PMFBP1: variants seen among roughly 807,000 people sequenced by gnomAD.
The protein encoded by PMFBP1 is polyamine modulated factor 1 binding protein 1.
Under a neutral mutation model 137.8 loss-of-function variants are expected in PMFBP1, and 131 were observed. That is an observed-to-expected ratio of 0.95 (90% CI 0.82 to 1.10). The LOEUF is 1.10. Among genes scored for constraint, PMFBP1 ranks in the 50% least tolerant of loss-of-function variants. The probability of loss-of-function intolerance (pLI) is 0.00; values close to 1 mark genes in which losing one functional copy is unlikely to be tolerated. For missense variants in PMFBP1, 1,199 were observed against 1,175.4 expected, an observed-to-expected ratio of 1.02 and a Z score of -0.29; for synonymous variants, 490 against 450.4, an observed-to-expected ratio of 1.09 and a Z score of -1.11.
At chr16:72,194,435 G>A in the PMFBP1 span, among the ~76,000 whole-genome samples, 6 of 151,954 alleles carry the variant, frequency 3.9e-5, no homozygotes, top group South Asian at 2.1e-4. Context: ...CAAGCGATTC[G>A]TTGCATTTTT....
At chr16:72,218,811 G>A in the PMFBP1 span, among the ~76,000 whole-genome samples, 13 of 152,056 alleles carry the variant, frequency 8.5e-5, no homozygotes, top group Admixed American at 8.5e-4. Flanking sequence ...AAACCACAGT[G>A]GTAAATAAAC....
chr16:72,153,689 G>A (rs1442416917), intron 4 of PMFBP1, among the ~76,000 whole-genome samples: 1 of 150,012 alleles, frequency 6.7e-6, no homozygotes, highest in Non-Finnish European at 1.5e-5. Flanking sequence ...AAGCCTATAT[G>A]ATCTAAAACT....
rs1443803249 is a variant in PMFBP1 at position 72,129,192 on chromosome 16, A to T, written c.1824T>A (p.Asp608Glu). 1.9e-6 allele frequency: 3 copies of T among 1,613,886 alleles called. No homozygotes were observed. The highest frequency in any genetic ancestry group is 1.7e-5 in the Admixed American group (1 of 60,032). Residue 608 changes from aspartate (D) to glutamate (E), a missense_variant, in exon 13 of 21, where the codon GAT becomes GAA. Coordinates refer to ENST00000237353, the MANE Select transcript of PMFBP1 (RefSeq NM_031293.3). Reference protein sequence around the residue: ...QGSIKCKLEEDLQEATKLLED... With the variant: ...QGSIKCKLEEELQEATKLLED... ...CCAGAAGCTTTGTGGCCTCCTGAAG[A>T]TCTTCTTCTAACTTGCATTTGATGG...
intron 12 of PMFBP1, among the ~76,000 whole-genome samples, chr16:72,129,448 T>C (rs563057194): frequency 6.6e-6 from 1 of 152,336 alleles, no homozygotes; most frequent in South Asian, 2.1e-4. Context: ...ATTGATCTAA[T>C]TCCTAAGCAC....
chr16:72,147,036 A>G (rs13338949), intron 5 of PMFBP1, among the ~76,000 whole-genome samples: 6,272 of 152,290 alleles, frequency 0.041, 402 homozygotes, highest in African/African-American at 0.14. Context: ...TAAATTTTAT[A>G]TGGAACCAAA....
At chr16:72,198,812 C>T in the PMFBP1 span, among the ~76,000 whole-genome samples, 1 of 150,600 alleles carries the variant, frequency 6.6e-6, no homozygotes, top group Non-Finnish European at 1.5e-5. Context: ...ATCCCCCCAC[C>T]CCCACCCACC....
the PMFBP1 span, among the ~76,000 whole-genome samples, chr16:72,185,214 G>C: frequency 6.6e-6 from 1 of 152,012 alleles, no homozygotes; most frequent in South Asian, 2.1e-4. Context: ...AGTAGATACG[G>C]GGTTTCACCA....
chr16:72,132,874 G>T lies in PMFBP1; in HGVS notation c.1321C>A (p.Leu441Ile). ...TTAGCCTCCTTGACTGTCATTTCAA[G>T]TTCTGTGGCCATGCACTGCTGCTTC... The part of the protein sequence containing the change: ...LEKQQCMATE[L>I]EMTVKEAKQD... The change falls in exon 10 of 21, where the codon CTT becomes ATT. Residue 441 changes from leucine (L) to isoleucine (I), a missense_variant. Transcript: ENST00000237353. 4 of 1,614,224 alleles carry T rather than the reference G, an allele frequency of 2.5e-6. No individual in the cohort carries two copies. The highest frequency in any genetic ancestry group is 1.7e-6 in the Non-Finnish European group (2 of 1,180,046).
chr16:72,143,262 C>G (rs182011850), intron 5 of PMFBP1, among the ~76,000 whole-genome samples: 1 of 152,096 alleles, frequency 6.6e-6, no homozygotes, highest in Admixed American at 6.6e-5. Flanking sequence ...AAATGAGGAG[C>G]AAGGCAAAGA....
the PMFBP1 span, among the ~76,000 whole-genome samples, chr16:72,195,187 G>A: frequency 6.6e-6 from 1 of 152,158 alleles, no homozygotes; most frequent in Admixed American, 6.5e-5. Flanking sequence ...TGGCACCAGG[G>A]CCCACGTTTT....
In PMFBP1 at chr16:72,122,958, G is replaced by T; in HGVS notation, c.2724C>A (p.Leu908=). 1 of 1,613,364 alleles carries T rather than the reference G, an allele frequency of 6.2e-7. No homozygotes were observed. The highest frequency in any genetic ancestry group is 1.1e-5 in the South Asian group (1 of 91,060). ...TGGCAATGTATTTCACCTGCTCTCG[G>T]AGCTGGTTTCCTAGTTTCTCATTGG... ...KVANEKLGNQ[L]REQVKYIAKL... The change falls in exon 19 of 21, where the codon CTC becomes CTA. Residue 908 remains leucine (L), a synonymous_variant. Transcript: ENST00000237353.
At chr16:72,144,732 C>A (rs976831559) in intron 5 of PMFBP1, among the ~76,000 whole-genome samples, 7 of 152,002 alleles carry the variant, frequency 4.6e-5, no homozygotes, top group Non-Finnish European at 8.8e-5. Context: ...AGACATAAAA[C>A]CTAGAATTTA....
rs1385164451 is a variant in PMFBP1, at chr16:72,128,327, T to A, written c.2088+330A>T. ...TCTCCTTTTTGTGCTTTGTGACAAGTTTTGGAAGTGTTCCCTAGCAAATTG... is the reference window on the plus strand; with the variant it reads ...TCTCCTTTTTGTGCTTTGTGACAAGATTTGGAAGTGTTCCCTAGCAAATTG... On this transcript the variant is annotated intron_variant, in intron 14 of 20. Coordinates refer to ENST00000237353, the MANE Select transcript of PMFBP1 (RefSeq NM_031293.3). The A allele has an allele frequency of 4.8e-6, 6 of 1,242,302 alleles. No homozygotes were observed. The Admixed American group carries it at 1.3e-4, about 28-fold the overall frequency. 77.0% of individuals were successfully genotyped at this position (1,242,302 alleles called of 1,614,324 possible).
At chr16:72,244,628 T>C in the PMFBP1 span, among the ~76,000 whole-genome samples, 1 of 152,180 alleles carries the variant, frequency 6.6e-6, no homozygotes, top group Non-Finnish European at 1.5e-5. Context: ...TAAAGATTTC[T>C]TTTCCTCCAA....
In PMFBP1 at chr16:72,119,317, G is replaced by T. The variant is rs767690169; in HGVS notation, c.*21C>A. On this transcript the variant is annotated 3_prime_UTR_variant, in exon 21 of 21. Coordinates refer to ENST00000237353, the MANE Select transcript of PMFBP1 (RefSeq NM_031293.3). ...CTGAAGAAACACCCGTGGAAATGCT[G>T]CTCAGGGCTAGATGTGGATTCTAGC... 3.1e-6 allele frequency: 5 copies of T among 1,611,874 alleles called. No homozygotes were observed. Among genetic ancestry groups the T allele is most frequent in the Non-Finnish European group, 4.2e-6 (5 of 1,178,046 alleles).
Position 72,154,348 on chromosome 16 carries a change from G to C in PMFBP1, c.277C>G (p.Leu93Val), listed in dbSNP as rs146036420. ...LQQLKKKLLV[L>V]QQELEFHTEE... ...GTGTGAAACTCCAGTTCTTGTTGAA[G>C]GACCAGCAATTTTTTCTTCAGTTGC... Residue 93 changes from leucine to valine, a missense_variant, in exon 4 of 21, where the codon CTT (leucine) becomes GTT (valine). By Grantham distance (32) the Leu-to-Val change is conservative (BLOSUM62 1). Coordinates refer to ENST00000237353, the MANE Select transcript of PMFBP1 (RefSeq NM_031293.3). The C allele has an allele frequency of 3.7e-6, 6 of 1,614,036 alleles. No homozygotes were observed. The highest frequency in any genetic ancestry group is 5.1e-6 in the Non-Finnish European group (6 of 1,180,028).
intron 19 of PMFBP1, among the ~76,000 whole-genome samples, chr16:72,121,300 G>A (rs2042373789): frequency 2.0e-5 from 3 of 152,172 alleles, no homozygotes; most frequent in Admixed American, 1.3e-4. Context: ...TCCCAGTGCT[G>A]GTGGGTCTGG....
chr16:72,151,502 G>T (rs1324558553), intron 4 of PMFBP1, among the ~76,000 whole-genome samples: 1 of 152,202 alleles, frequency 6.6e-6, no homozygotes, highest in African/African-American at 2.4e-5. Flanking sequence ...ACAGCTGTAG[G>T]TAGTTGAGTG....
chr16:72,196,641 T>C, the PMFBP1 span, among the ~76,000 whole-genome samples: 3 of 152,214 alleles, frequency 2.0e-5, no homozygotes, highest in Non-Finnish European at 4.4e-5. Flanking sequence ...GTTATTTTCT[T>C]ACACATGGGA....
Sources: gnomAD v4.1 joint callset for allele counts (sites outside exome capture counted in the v4.1 genomes callset) on GRCh38, gnomAD v4.1.1 for gene constraint, MANE v1.5 for transcripts, NCBI Gene and HGNC (gene_info 2026-07-23, HGNC 2026-07-21) for gene names.